Variants in EYS observed in about 807,000 individuals in gnomAD.
EYS encodes the protein EGF-like photoreceptor maintenance factor.
EYS carries 250 observed loss-of-function variants against 282.1 expected under a neutral mutation model. The ratio of observed to expected loss-of-function variants is 0.89; its 90% CI spans 0.80 to 0.98. EYS has a LOEUF of 0.98. Ranked by LOEUF, EYS falls within the 50% of genes least tolerant of loss-of-function variation. The pLI is 0.00. For missense variants in EYS, 4,016 were observed against 3,709.0 expected (o/e 1.08, Z -2.15); for synonymous variants, 1,355 against 1,282.9 (o/e 1.06, Z -1.20).
chr6:65,214,761 G>A (rs1198868211), intron 12 of EYS, among the ~76,000 whole-genome samples: 1 of 152,214 alleles, frequency 6.6e-6, no homozygotes, highest in Non-Finnish European at 1.5e-5. Flanking sequence ...GCTGACTCTT[G>A]TTAGAGGCCA....
chr6:65,406,255 T>C (rs1037709703), intron 5 of EYS, among the ~76,000 whole-genome samples: 5 of 152,146 alleles, frequency 3.3e-5, no homozygotes, highest in African/African-American at 1.2e-4. Context: ...TTAACTATTT[T>C]TAAATTGTGT....
intron 8 of EYS, 101 bp downstream of exon 8, chr6:65,384,285 T>C: frequency 1.4e-6 from 1 of 713,208 alleles, no homozygotes; most frequent in Non-Finnish European, 2.5e-6. Context: ...TAAGGATATG[T>C]TTCTCTGGCT....
intron 26 of EYS, among the ~76,000 whole-genome samples, chr6:64,496,749 C>T (rs1466619373): frequency 6.6e-6 from 1 of 151,976 alleles, no homozygotes; most frequent in African/African-American, 2.4e-5. Context: ...ATGTCAAACA[C>T]ATTCTTTAAA....
chr6:64,320,763 T>C (rs1027288884), intron 29 of EYS, among the ~76,000 whole-genome samples: 14 of 151,846 alleles, frequency 9.2e-5, no homozygotes, highest in Non-Finnish European at 1.6e-4. Context: ...ATTTTGGACA[T>C]TGTATTATTA....
intron 14 of EYS, among the ~76,000 whole-genome samples, chr6:64,951,311 C>CA (rs947340476): frequency 2.0e-5 from 3 of 151,326 alleles, no homozygotes; most frequent in Non-Finnish European, 3.0e-5. Context: ...GAAAAACCAG[C>CA]AAAAAAACAA....
intron 22 of EYS, among the ~76,000 whole-genome samples, chr6:64,773,606 A>G (rs769945279): frequency 6.6e-6 from 1 of 151,836 alleles, no homozygotes; most frequent in African/African-American, 2.4e-5. Context: ...GTGTATAAGC[A>G]TTAAATTTTC....
chr6:65,244,129 G>A, intron 12 of EYS, among the ~76,000 whole-genome samples: 1 of 152,136 alleles, frequency 6.6e-6, no homozygotes, highest in East Asian at 1.9e-4. Flanking sequence ...AAGGGGCTTG[G>A]AGATTTTCCA....
At chr6:65,317,825 C>CCTTCCTTCCTTCCTTCCTTCCTTTCTTT (rs1562092985) in intron 11 of EYS, among the ~76,000 whole-genome samples, 4 of 81,242 alleles carry the variant, frequency 4.9e-5, no homozygotes, top group Admixed American at 1.2e-4. Flanking sequence ...TTCCTTCCTT[C>CCTTCCTTCCTTCCTTCCTTCCTTTCTTT]CTTTCTTTCT....
intron 13 of EYS, among the ~76,000 whole-genome samples, chr6:65,019,292 T>A (rs1025389362): frequency 6.6e-6 from 1 of 152,224 alleles, no homozygotes; most frequent in Non-Finnish European, 1.5e-5. Context: ...TTGAACATTA[T>A]ATCTCTTAAA....
intron 33 of EYS, among the ~76,000 whole-genome samples, chr6:64,045,311 G>T (rs1192114829): frequency 2.6e-5 from 4 of 151,836 alleles, no homozygotes; most frequent in Non-Finnish European, 2.9e-5. Flanking sequence ...CGTTTTTACT[G>T]AGGTGGATAC....
chr6:64,766,649 A>ATATATATATATATATATAT (rs1554201272), intron 22 of EYS, among the ~76,000 whole-genome samples: 2 of 19,066 alleles, frequency 1.0e-4, no homozygotes, highest in Non-Finnish European at 1.0e-4. Context: ...AAAAAAAAAA[A>ATATATATATATATATATAT]ATATATATAT....
chr6:64,379,778 T>A (rs1772684531), intron 29 of EYS: 1 of 152,144 alleles, frequency 6.6e-6, no homozygotes, highest in South Asian at 2.1e-4. Context: ...TCTGTGCAAT[T>A]TATATGCTGA....
At chr6:63,914,185 T>C (rs1764355735) in intron 35 of EYS, among the ~76,000 whole-genome samples, 1 of 152,148 alleles carries the variant, frequency 6.6e-6, no homozygotes, top group African/African-American at 2.4e-5. Context: ...ATTAGGCCAA[T>C]TAATAACCCT....
chr6:65,483,772 T>C lies in EYS; in HGVS notation c.862+6822A>G, dbSNP rs552262349. On this transcript the variant is annotated intron_variant, in intron 5 of 42. Coordinates refer to ENST00000503581, the MANE Select transcript of EYS (RefSeq NM_001142800.2). ...GCAAAAGAAAGAAGTTTAACGGACC[T>C]ACAGTTCCACGTGGCTGGGGAAGCC... 7.9e-5 allele frequency among the ~76,000 whole-genome samples: 12 copies of C among 152,226 alleles called. No individual in the cohort carries two copies. In the South Asian group the frequency reaches 2.5e-3, roughly 32 times the overall value.
intron 22 of EYS, among the ~76,000 whole-genome samples, chr6:64,712,266 T>C (rs1364538415): frequency 6.6e-6 from 1 of 152,218 alleles, no homozygotes; most frequent in Non-Finnish European, 1.5e-5. Flanking sequence ...CTATAGAATA[T>C]ATACGAGCTG....
At chr6:64,654,576 G>GCCC (rs1249229941) in intron 22 of EYS, among the ~76,000 whole-genome samples, 35 of 152,280 alleles carry the variant, frequency 2.3e-4, no homozygotes, top group Admixed American at 2.3e-3. Context: ...GCTGGGGCTT[G>GCCC]CACTGTATAG....
rs1488816876 is a variant in EYS, at chr6:63,863,638, T to TTTTTTTCTTTTCTTTTCTTTTC, written c.7228+547_7228+548insGAAAAGAAAAGAAAAGAAAAAA. Among the ~76,000 whole-genome samples the TTTTTTTCTTTTCTTTTCTTTTC allele has an allele frequency of 2.0e-4, 25 of 123,756 alleles. 1 individual carries two copies. Among genetic ancestry groups the TTTTTTTCTTTTCTTTTCTTTTC allele is most frequent in the African/African-American group, 7.9e-4 (25 of 31,724 alleles). The allele number at this position is 123,756 out of a possible 152,430, so 81.2% of individuals were successfully genotyped here. On this transcript the variant is annotated intron_variant, in intron 36 of 42. Transcript: ENST00000503581. ...AACCTCAGGGAAAACTCATTACCAC[T>TTTTTTTCTTTTCTTTTCTTTTC]TTTTCTTTTCTTTTCTTTTCTTTTC...
chr6:64,602,166 C>T (rs1020132244), intron 24 of EYS, among the ~76,000 whole-genome samples: 2 of 151,930 alleles, frequency 1.3e-5, no homozygotes, highest in Admixed American at 1.3e-4. Flanking sequence ...GTAAATGTCA[C>T]TAGGTAGAAG....
At chr6:63,947,731 G>A (rs1032005770) in intron 35 of EYS, among the ~76,000 whole-genome samples, 7 of 152,088 alleles carry the variant, frequency 4.6e-5, no homozygotes, top group South Asian at 4.2e-4. Flanking sequence ...TGTCCTAATC[G>A]CATAATAAGC....
Sources: allele counts gnomAD v4.1 joint callset (sites outside exome capture counted in the v4.1 genomes callset), GRCh38; gene constraint gnomAD v4.1.1; transcripts MANE v1.5; gene names NCBI Gene and HGNC (gene_info 2026-07-23, HGNC 2026-07-21).